HMGA2: variants seen among roughly 807,000 people sequenced by gnomAD.
The protein encoded by HMGA2 is high mobility group protein HMGI-C.
Under a neutral mutation model 19.1 loss-of-function variants are expected in HMGA2, and 8 were observed. The observed-to-expected ratio is 0.42, with a 90% CI of 0.25 to 0.76. The LOEUF is 0.76. Among genes scored for constraint, HMGA2 ranks in the 30% least tolerant of loss-of-function variants. The pLI is 0.28. For synonymous variants in HMGA2, 60 were observed against 48.8 expected, an observed-to-expected ratio of 1.23 and a Z score of -0.96; for missense variants, 109 against 136.3, an observed-to-expected ratio of 0.80 and a Z score of 1.00.
At chr12:65,948,602 G>A (rs572596639) in intron 3 of HMGA2, 1 of 152,386 alleles carries the variant, frequency 6.6e-6, no homozygotes, top group Admixed American at 6.5e-5. Context: ...ACAGTCTGGA[G>A]CCATTGGGTG....
rs11175946 is a variant in HMGA2 at position 65,889,378 on chromosome 12, A to G, written c.249+50809A>G. On this transcript the variant is annotated intron_variant, in intron 3 of 4. Coordinates refer to ENST00000403681, the MANE Select transcript of HMGA2 (RefSeq NM_003483.6). ...AAAGTGACCTTAGCACTGAATCAGG[A>G]ATGCTTAGATGTAGATGTGCACAGA... Among the ~76,000 whole-genome samples the G allele has an allele frequency of 2.3e-3, 347 of 152,352 alleles. 1 individual carries two copies. Among genetic ancestry groups the G allele is most frequent in the Admixed American group, 5.8e-3 (89 of 15,306 alleles).
chr12:65,919,023 A>G (rs1335879280), intron 3 of HMGA2, among the ~76,000 whole-genome samples: 2 of 152,206 alleles, frequency 1.3e-5, no homozygotes, highest in Admixed American at 6.5e-5. Context: ...GATGAAAAAG[A>G]AAAGGGAGGT....
intron 4 of HMGA2, chr12:65,955,951 G>A (rs1876593091): frequency 6.6e-6 from 1 of 152,168 alleles, no homozygotes; most frequent in Non-Finnish European, 1.5e-5. Flanking sequence ...TTCATTTTGG[G>A]ACAAGCAAGT....
At chr12:65,852,050 C>A (rs142763647) in intron 3 of HMGA2, among the ~76,000 whole-genome samples, 2 of 151,326 alleles carry the variant, frequency 1.3e-5, no homozygotes, top group Non-Finnish European at 3.0e-5. Context: ...ACAGTTTGTA[C>A]AAATAATAAT....
intron 3 of HMGA2, among the ~76,000 whole-genome samples, chr12:65,880,001 G>A (rs1343583387): frequency 1.3e-5 from 2 of 152,200 alleles, no homozygotes. Flanking sequence ...TTGCTGTGCT[G>A]TCAAAGAAAA....
At chr12:65,900,158 C>T (rs1007750631) in intron 3 of HMGA2, among the ~76,000 whole-genome samples, 19 of 151,984 alleles carry the variant, frequency 1.3e-4, no homozygotes, top group Admixed American at 2.6e-4. Flanking sequence ...TCAGTGAAAA[C>T]GATTTGTTCG....
rs1395324418 is a variant in HMGA2, at chr12:65,965,016, T to C, written c.*1724T>C. The C allele has an allele frequency of 5.3e-6, 1 of 188,278 alleles. No individual in the cohort carries two copies. Among genetic ancestry groups the C allele is most frequent in the Non-Finnish European group, 1.1e-5 (1 of 89,188 alleles). 11.7% of individuals were successfully genotyped at this position (188,278 alleles called of 1,614,324 possible). On this transcript the variant is annotated 3_prime_UTR_variant, in exon 5 of 5. Transcript: ENST00000403681. The stretch of plus-strand genomic sequence containing the variant: ...TTACTTGCAGCATTCATTTGTTTTT[T>C]CAATGTTTGAAATAGTTCAAACTGC...
In HMGA2 at chr12:65,838,502, TC is replaced by T; in HGVS notation, c.199-15del. 6.2e-7 allele frequency: 1 copy of T among 1,605,182 alleles called. No individual in the cohort carries two copies. The highest frequency in any genetic ancestry group is 1.7e-5 in the Admixed American group (1 of 59,964). On this transcript the variant is annotated splice_polypyrimidine_tract_variant and intron_variant, in intron 2 of 4. Coordinates refer to ENST00000403681, the MANE Select transcript of HMGA2 (RefSeq NM_003483.6). The stretch of plus-strand genomic sequence containing the variant: ...TGTCAGGTAGAAAACTATAATGACT[TC>T]CTTTTTCATTTGCAGAAAGCAGAAG...
intron 3 of HMGA2, among the ~76,000 whole-genome samples, chr12:65,929,783 A>G (rs527387819): frequency 1.3e-5 from 2 of 152,320 alleles, no homozygotes; most frequent in East Asian, 3.9e-4. Context: ...CCTCATTTTA[A>G]AGAGGATATT....
intron 4 of HMGA2, among the ~76,000 whole-genome samples, 153 bp from the exon 5 acceptor site, chr12:65,963,092 A>G (rs541452946): frequency 6.6e-6 from 1 of 152,204 alleles, no homozygotes; most frequent in South Asian, 2.1e-4. Context: ...ACGGTTTAAG[A>G]AGCCCTGGGA....
chr12:65,894,195 A>T, intron 3 of HMGA2, among the ~76,000 whole-genome samples: 1 of 152,248 alleles, frequency 6.6e-6, no homozygotes, highest in East Asian at 1.9e-4. Context: ...ATCAGATTGC[A>T]GTTTGAAAAA....
intron 3 of HMGA2, among the ~76,000 whole-genome samples, chr12:65,933,509 T>G (rs1161888826): frequency 6.6e-6 from 1 of 152,202 alleles, no homozygotes; most frequent in East Asian, 1.9e-4. Flanking sequence ...GCATTTCTTA[T>G]GAAATCCACT....
intron 2 of HMGA2, among the ~76,000 whole-genome samples, chr12:65,836,590 G>A (rs1303317867): frequency 1.3e-5 from 2 of 152,112 alleles, no homozygotes; most frequent in South Asian, 2.1e-4. Flanking sequence ...GAATCTAAGC[G>A]TTCCAAGGTA....
At chr12:65,956,891 G>A (rs1249144312) in intron 4 of HMGA2, 3 of 152,070 alleles carry the variant, frequency 2.0e-5, no homozygotes, top group South Asian at 2.1e-4. Context: ...CTCCAAACTT[G>A]CTGACCCAAA....
intron 3 of HMGA2, among the ~76,000 whole-genome samples, chr12:65,844,380 T>G (rs1368909164): frequency 2.6e-5 from 4 of 152,234 alleles, no homozygotes; most frequent in Non-Finnish European, 5.9e-5. Flanking sequence ...AAACTATCTT[T>G]TCCTTTGCAA....
At chr12:65,854,887 G>A (rs1871654637) in intron 3 of HMGA2, among the ~76,000 whole-genome samples, 1 of 152,168 alleles carries the variant, frequency 6.6e-6, no homozygotes, top group Admixed American at 6.5e-5. Flanking sequence ...GTCTTTGGCT[G>A]TGCAGTTACT....
At chr12:65,929,009 A>G (rs1875614466) in intron 3 of HMGA2, among the ~76,000 whole-genome samples, 1 of 152,142 alleles carries the variant, frequency 6.6e-6, no homozygotes, top group Admixed American at 6.5e-5. Flanking sequence ...CCTTTTTTCT[A>G]ACCTTCTTAC....
intron 3 of HMGA2, chr12:65,914,756 C>A (rs1324969674): frequency 2.7e-6 from 1 of 369,132 alleles, no homozygotes; most frequent in Admixed American, 3.7e-5. Context: ...CTCATTGCAA[C>A]CTCCACCTCC....
Position 65,825,433 on chromosome 12 carries a change from G to T in HMGA2, c.111+52G>T, listed in dbSNP as rs1327742214. ...CCAGCCCACCCCGTCCCCACTGCCG[G>T]GGCCCAGACACGCGCGGGGCGGCCG... On this transcript the variant is annotated intron_variant, in intron 1 of 4. Transcript: ENST00000403681. This position sits in a 1 kb window ranked among gnomAD's most constrained non-coding sequence, Gnocchi z 4.4. 1 of 1,342,378 alleles carries T rather than the reference G, an allele frequency of 7.4e-7. No homozygotes were observed. The highest frequency in any genetic ancestry group is 1.4e-5 in the South Asian group (1 of 70,908). The allele number at this position is 1,342,378 out of a possible 1,614,324, so 83.2% of individuals were successfully genotyped here.
Sources: gnomAD v4.1 joint callset for allele counts (sites outside exome capture counted in the v4.1 genomes callset) on GRCh38, gnomAD v4.1.1 for gene constraint, Gnocchi (gnomAD v3.1) non-coding constraint, MANE v1.5 for transcripts, NCBI Gene and HGNC (gene_info 2026-07-23, HGNC 2026-07-21) for gene names.